Variants in MARCHF1 observed in about 807,000 individuals in gnomAD.
MARCHF1 encodes the protein E3 ubiquitin-protein ligase MARCHF1.
MARCHF1 carries 40 observed loss-of-function variants against 54.2 expected under a neutral mutation model. That is an observed-to-expected ratio of 0.74 (90% CI 0.57 to 0.96). MARCHF1 has a LOEUF of 0.96. Among genes scored for constraint, MARCHF1 ranks in the 40% least tolerant of loss-of-function variants. The pLI, the probability that MARCHF1 is intolerant of heterozygous loss-of-function variation, is 0.00. For missense variants in MARCHF1, 586 were observed against 656.5 expected (o/e 0.89, Z 1.17); for synonymous variants, 236 against 236.3 (o/e 1.00, Z 0.01).
chr4:164,255,607 C>CA lies in MARCHF1; in HGVS notation c.-323+128262dup, dbSNP rs1022676137. Among the ~76,000 whole-genome samples the CA allele has an allele frequency of 3.3e-5, 5 of 151,158 alleles. No homozygotes were observed. In the East Asian group the frequency reaches 7.7e-4, roughly 23 times the overall value. The stretch of plus-strand genomic sequence containing the variant: ...AGTGGCACAATCATGTTGAAAAGAA[C>CA]AAAAAAATGGAAAAAGTAATATCAG... On this transcript the variant is annotated intron_variant, in intron 1 of 9. Transcript: ENST00000514618.
At position 163,612,439 on chromosome 4, in the gene MARCHF1, T is replaced by C. The variant is rs1741374064; in HGVS notation, c.842A>G (p.Lys281Arg). 1 of 1,535,344 alleles carries C rather than the reference T, an allele frequency of 6.5e-7. No homozygotes were observed. Among genetic ancestry groups the C allele is most frequent in the African/African-American group, 1.4e-5 (1 of 72,976 alleles). The change falls in exon 7 of 10, where the codon AAA (lysine) becomes AGA (arginine). Residue 281 changes from lysine (K) to arginine (R), a missense_variant. This residue lies in a region of MARCHF1 where 387 missense variants were observed against 394.6 expected (regional missense o/e 0.98). Transcript: ENST00000514618. ...AAATGTCTTCTTCATTATTTCATTT[T>C]TCCTAAGACTTTGCAAGAGCTGAGG... ...RDPQLLQSLR[K>R]NEIMKKTFSE...
chr4:164,100,591 T>C (rs1375984886), intron 2 of MARCHF1, among the ~76,000 whole-genome samples: 1 of 152,260 alleles, frequency 6.6e-6, no homozygotes, highest in African/African-American at 2.4e-5. Context: ...ACATGGTTGG[T>C]ATCTACAGCA....
At chr4:164,214,895 G>A (rs535896073) in intron 1 of MARCHF1, among the ~76,000 whole-genome samples, 206 of 152,162 alleles carry the variant, frequency 1.4e-3, no homozygotes, top group African/African-American at 4.7e-3. Context: ...CTTGCAGGGC[G>A]TGCGATGGGG....
At chr4:163,689,847 A>G (rs1279251638) in intron 5 of MARCHF1, among the ~76,000 whole-genome samples, 1 of 152,246 alleles carries the variant, frequency 6.6e-6, no homozygotes, top group South Asian at 2.1e-4. Flanking sequence ...ATAGTAAAAA[A>G]GGAAATTACA....
At chr4:163,771,799 C>T (rs113944422) in intron 4 of MARCHF1, among the ~76,000 whole-genome samples, 2,432 of 152,244 alleles carry the variant, frequency 0.016, 57 homozygotes, top group African/African-American at 0.054. Flanking sequence ...ACCCAGGTTA[C>T]TATTTTCCTC....
At chr4:164,056,965 C>G (rs1363591702) in intron 2 of MARCHF1, among the ~76,000 whole-genome samples, 1 of 152,086 alleles carries the variant, frequency 6.6e-6, no homozygotes, top group Non-Finnish European at 1.5e-5. Flanking sequence ...AATGTGGGCT[C>G]TGGGAAGGTT....
intron 2 of MARCHF1, among the ~76,000 whole-genome samples, chr4:164,081,234 A>AAAAAAAAAAAAAAAAC (rs1560895110): frequency 6.8e-6 from 1 of 146,798 alleles, no homozygotes; most frequent in Non-Finnish European, 1.5e-5. Flanking sequence ...AAAAAAAAAA[A>AAAAAAAAAAAAAAAAC]AAAGAAATAT....
intron 3 of MARCHF1, among the ~76,000 whole-genome samples, chr4:163,903,939 T>A (rs986503963): frequency 6.6e-6 from 1 of 152,192 alleles, no homozygotes; most frequent in African/African-American, 2.4e-5. Flanking sequence ...GTGTTCTAAC[T>A]GCATAATAAT....
At chr4:164,184,053 T>G (rs1401275588) in intron 1 of MARCHF1, among the ~76,000 whole-genome samples, 1 of 152,156 alleles carries the variant, frequency 6.6e-6, no homozygotes, top group African/African-American at 2.4e-5. Flanking sequence ...AATCTATAAT[T>G]CCTTGGTGGG....
intron 5 of MARCHF1, among the ~76,000 whole-genome samples, chr4:163,633,970 C>T (rs1742208845): frequency 6.6e-6 from 1 of 152,070 alleles, no homozygotes; most frequent in Admixed American, 6.5e-5. Flanking sequence ...GAATTTTCAA[C>T]CCAGAATTTC....
intron 5 of MARCHF1, among the ~76,000 whole-genome samples, chr4:163,632,846 T>C (rs1442598524): frequency 2.0e-5 from 3 of 152,232 alleles, no homozygotes; most frequent in Non-Finnish European, 4.4e-5. Flanking sequence ...TAAATGTCCC[T>C]GTCTGACAGC....
chr4:163,624,828 T>C (rs1223918123), intron 5 of MARCHF1, among the ~76,000 whole-genome samples: 2 of 152,222 alleles, frequency 1.3e-5, no homozygotes, highest in Admixed American at 6.5e-5. Context: ...TGTTGAGAAA[T>C]AGGAAAATAT....
intron 2 of MARCHF1, among the ~76,000 whole-genome samples, chr4:164,006,093 C>T (rs1394221476): frequency 6.6e-6 from 1 of 151,720 alleles, no homozygotes; most frequent in East Asian, 1.9e-4. Flanking sequence ...CAACACAGAA[C>T]CATGACCTCA....
intron 5 of MARCHF1, among the ~76,000 whole-genome samples, chr4:163,662,643 A>G (rs1257594491): frequency 6.6e-6 from 1 of 151,782 alleles, no homozygotes; most frequent in East Asian, 1.9e-4. Context: ...TGATCTCTGG[A>G]TATTAGTTGT....
intron 2 of MARCHF1, among the ~76,000 whole-genome samples, chr4:164,050,909 G>T (rs968935548): frequency 6.6e-6 from 1 of 151,866 alleles, no homozygotes; most frequent in African/African-American, 2.4e-5. Flanking sequence ...CTCCAGCCTG[G>T]GCAACACAGC....
At chr4:163,626,180 C>T (rs994425129) in intron 5 of MARCHF1, among the ~76,000 whole-genome samples, 1 of 152,180 alleles carries the variant, frequency 6.6e-6, no homozygotes, top group Admixed American at 6.5e-5. Context: ...TTATTTATAT[C>T]AGCAGTATAA....
chr4:163,823,721 A>T (rs1170796507), intron 4 of MARCHF1, among the ~76,000 whole-genome samples: 1 of 151,904 alleles, frequency 6.6e-6, no homozygotes, highest in African/African-American at 2.4e-5. Flanking sequence ...AAGTAGAATG[A>T]TCAAAAGTAG....
At chr4:163,572,124 G>T (rs2110758859) in intron 8 of MARCHF1, among the ~76,000 whole-genome samples, 2 of 151,790 alleles carry the variant, frequency 1.3e-5, no homozygotes, top group Middle Eastern at 6.8e-3. Flanking sequence ...TTCTCACCAT[G>T]GTTTGCTTTG....
chr4:163,933,360 C>T (rs527688639), intron 3 of MARCHF1, among the ~76,000 whole-genome samples: 11 of 152,266 alleles, frequency 7.2e-5, no homozygotes, highest in Non-Finnish European at 1.2e-4. Context: ...TTTATGTATA[C>T]GGAATCATCT....
Sources: gnomAD v4.1 joint callset for allele counts (sites outside exome capture counted in the v4.1 genomes callset) on GRCh38, gnomAD v4.1.1 for gene constraint, gnomAD v4.1.1 regional missense constraint, MANE v1.5 for transcripts, NCBI Gene and HGNC (gene_info 2026-07-23, HGNC 2026-07-21) for gene names.